Variants in SFI1 observed in about 807,000 individuals in gnomAD.
SFI1 encodes SFI1 centrin binding protein, also known as protein SFI1 homolog.
Under a neutral mutation model 207.5 loss-of-function variants are expected in SFI1, and 195 were observed. That is an observed-to-expected ratio of 0.94 (90% CI 0.84 to 1.06). The LOEUF is 1.06. Ranked by LOEUF, SFI1 falls within the 50% of genes least tolerant of loss-of-function variation. The pLI, the probability that SFI1 is intolerant of heterozygous loss-of-function variation, is 0.00. For synonymous variants in SFI1, 630 were observed against 598.9 expected (o/e 1.05, Z -0.76); for missense variants, 1,634 against 1,588.0 (o/e 1.03, Z -0.49).
chr22:31,551,003 A>C (rs1461380376), intron 6 of SFI1, among the ~76,000 whole-genome samples: 1 of 152,152 alleles, frequency 6.6e-6, no homozygotes. Flanking sequence ...AATGGTGTCC[A>C]TTCCTCATGC....
At position 31,590,983 on chromosome 22, in the gene SFI1, T is replaced by TTTATTTATTTA. The variant is rs1556252852; in HGVS notation, c.1544+1408_1544+1409insATTTATTTATT. On this transcript the variant is annotated intron_variant, in intron 15 of 32. Transcript: ENST00000400288. Reference sequence around the variant, plus strand: ...TATTTATTTATTTATTTATTTATTTTTTTATTGATAATTCTTGGGTGTTTC... The same window carrying TTTATTTATTTA: ...TATTTATTTATTTATTTATTTATTTTTTATTTATTTATTTATTGATAATTCTTGGGTGTTTC... Among the ~76,000 whole-genome samples, 575 of 138,564 alleles carry TTTATTTATTTA rather than the reference T, an allele frequency of 4.1e-3. 2 individuals are homozygous for TTTATTTATTTA. The highest frequency in any genetic ancestry group is 0.011 in the African/African-American group (401 of 35,992). The allele number at this position is 138,564 out of a possible 152,430, so 90.9% of individuals were successfully genotyped here.
chr22:31,595,158 G>C (rs1434984108), intron 15 of SFI1, among the ~76,000 whole-genome samples: 1 of 151,698 alleles, frequency 6.6e-6, no homozygotes, highest in Non-Finnish European at 1.5e-5. Context: ...CACCACGCCC[G>C]GCTAATTTTT....
intron 10 of SFI1, 90 bp downstream of exon 10, chr22:31,575,482 G>A (rs1013603200): frequency 6.4e-5 from 85 of 1,322,850 alleles, no homozygotes; most frequent in Non-Finnish European, 8.4e-5. Flanking sequence ...GAGATACATG[G>A]GAAACAATTG....
intron 29 of SFI1, 133 bp downstream of exon 29, chr22:31,615,412 C>G: frequency 1.2e-6 from 1 of 801,758 alleles, no homozygotes; most frequent in Non-Finnish European, 1.8e-6. Context: ...ATTTGACAAG[C>G]ATAGGTAGCC....
At chr22:31,540,169 C>CT (rs2059343340) in intron 4 of SFI1, among the ~76,000 whole-genome samples, 1 of 104,340 alleles carries the variant, frequency 9.6e-6, no homozygotes, top group Non-Finnish European at 1.7e-5. Context: ...GAGATACCCT[C>CT]TAACTCCTTC....
chr22:31,616,937 T>TG (rs1293312928), intron 30 of SFI1, 60 bp downstream of exon 30: 1 of 1,612,654 alleles, frequency 6.2e-7, no homozygotes, highest in Non-Finnish European at 8.5e-7. Flanking sequence ...ACCTGGGACT[T>TG]GCTATTTACC....
chr22:31,570,167 G>C (rs890416547), intron 8 of SFI1, among the ~76,000 whole-genome samples: 2 of 151,728 alleles, frequency 1.3e-5, no homozygotes, highest in Admixed American at 6.6e-5. Flanking sequence ...AGATGATCAA[G>C]GATATAAACA....
At chr22:31,608,665 A>G (rs2069507472) in intron 22 of SFI1, among the ~76,000 whole-genome samples, 3 of 152,112 alleles carry the variant, frequency 2.0e-5, no homozygotes, top group African/African-American at 7.2e-5. Flanking sequence ...AGAAGCTGGA[A>G]TGGAGGAGCT....
At chr22:31,604,041 C>T (rs776489566) in intron 18 of SFI1, among the ~76,000 whole-genome samples, 1 of 152,184 alleles carries the variant, frequency 6.6e-6, no homozygotes, top group Non-Finnish European at 1.5e-5. Context: ...CTTACTGCAT[C>T]TAAAATTCCT....
intron 15 of SFI1, among the ~76,000 whole-genome samples, chr22:31,595,424 C>T (rs2066960909): frequency 6.6e-6 from 1 of 152,198 alleles, no homozygotes; most frequent in African/African-American, 2.4e-5. Flanking sequence ...TAATAATTTC[C>T]TTTTCACAGT....
chr22:31,517,330 C>G (rs1465587218), intron 2 of SFI1, among the ~76,000 whole-genome samples: 1 of 152,046 alleles, frequency 6.6e-6, no homozygotes, highest in African/African-American at 2.4e-5. Flanking sequence ...TCACTGCAGC[C>G]TCAACCTCCC....
chr22:31,576,243 T>C (rs936943522), intron 10 of SFI1, among the ~76,000 whole-genome samples: 20 of 152,168 alleles, frequency 1.3e-4, no homozygotes, highest in African/African-American at 4.8e-4. Context: ...CAGGCTGGTC[T>C]CGAACTCTTG....
At chr22:31,519,954 A>G (rs1444742487) in intron 2 of SFI1, among the ~76,000 whole-genome samples, 4 of 150,770 alleles carry the variant, frequency 2.7e-5, no homozygotes, top group African/African-American at 9.8e-5. Flanking sequence ...TTTGGTAGAG[A>G]TGGGGTTTCA....
chr22:31,601,567 A>C (rs2068105188), intron 15 of SFI1, among the ~76,000 whole-genome samples: 3 of 152,190 alleles, frequency 2.0e-5, no homozygotes, highest in African/African-American at 7.2e-5. Flanking sequence ...CATGCACTGG[A>C]AAGGGCTCTC....
chr22:31,567,572 G>A (rs554200730), intron 8 of SFI1, among the ~76,000 whole-genome samples: 2 of 152,040 alleles, frequency 1.3e-5, no homozygotes, highest in South Asian at 4.2e-4. Context: ...TTGTGGAGGG[G>A]GGGGGTGTGT....
intron 8 of SFI1, among the ~76,000 whole-genome samples, chr22:31,562,967 G>T (rs1236681930): frequency 7.2e-6 from 1 of 139,696 alleles, no homozygotes; most frequent in Non-Finnish European, 1.6e-5. Flanking sequence ...CAGCCAGAAA[G>T]CTGCATCATC....
At chr22:31,559,464 C>CGG in intron 7 of SFI1, 1 of 454,448 alleles carries the variant, frequency 2.2e-6, no homozygotes, top group Non-Finnish European at 4.1e-6. Context: ...GCCTACACAC[C>CGG]GCCAGTTGTG....
rs189501081 is a variant in SFI1 at position 31,573,958 on chromosome 22, A to T, written c.922+744A>T. 4.4e-3 allele frequency among the ~76,000 whole-genome samples: 675 copies of T among 152,276 alleles called. 5 individuals carry two copies. Among genetic ancestry groups the T allele is most frequent in the African/African-American group, 0.015 (636 of 41,566 alleles). On this transcript the variant is annotated intron_variant, in intron 9 of 32. Coordinates refer to ENST00000400288, the MANE Select transcript of SFI1 (RefSeq NM_001007467.3). Reference sequence around the variant, plus strand: ...CCTTAATATACTTAGCCATTCTCCTATTAATAGATATTTGGATAGTTTCTG... The same window carrying T: ...CCTTAATATACTTAGCCATTCTCCTTTTAATAGATATTTGGATAGTTTCTG...
chr22:31,606,219 T>A, intron 20 of SFI1, 109 bp from the exon 21 acceptor site: 2 of 929,910 alleles, frequency 2.2e-6, no homozygotes, highest in Non-Finnish European at 3.4e-6. Context: ...TTCTTAGGTG[T>A]AGAGTCCCTG....
Sources: allele counts gnomAD v4.1 joint callset (sites outside exome capture counted in the v4.1 genomes callset), GRCh38; gene constraint gnomAD v4.1.1; transcripts MANE v1.5; gene names NCBI Gene and HGNC (gene_info 2026-07-23, HGNC 2026-07-21).